Variants in CELF2 observed in about 807,000 individuals in gnomAD.
CELF2 encodes the protein CUGBP Elav-like family member 2.
CELF2 carries 8 observed loss-of-function variants against 62.6 expected under a neutral mutation model. The observed-to-expected ratio is 0.13, with a 90% CI of 0.07 to 0.23. The LOEUF is 0.23. Ranked by LOEUF, CELF2 falls within the 10% of genes least tolerant of loss-of-function variation. CELF2 has a pLI of 1.00. For missense variants in CELF2, 333 were observed against 671.0 expected, an observed-to-expected ratio of 0.50 and a Z score of 5.56; for synonymous variants, 258 against 250.0, an observed-to-expected ratio of 1.03 and a Z score of -0.30.
intron 1 of CELF2, among the ~76,000 whole-genome samples, chr10:10,898,364 A>T (rs1222276226): frequency 6.6e-6 from 1 of 152,204 alleles, no homozygotes; most frequent in Non-Finnish European, 1.5e-5. Context: ...TGGCCTCCAG[A>T]AATTTGAGAG....
the CELF2 span, among the ~76,000 whole-genome samples, chr10:10,667,128 T>A: frequency 6.6e-6 from 1 of 152,176 alleles, no homozygotes; most frequent in Non-Finnish European, 1.5e-5. Flanking sequence ...TATTTTAAGA[T>A]GTCAGGGCTG....
the CELF2 span, among the ~76,000 whole-genome samples, chr10:10,758,485 T>C: frequency 6.6e-6 from 1 of 152,190 alleles, no homozygotes; most frequent in Non-Finnish European, 1.5e-5. Context: ...GCATTCATCA[T>C]CATTTAGGCA....
At chr10:11,325,708 C>A (rs745849725) in intron 11 of CELF2, 128 bp from the exon 12 acceptor site, 1 of 783,014 alleles carries the variant, frequency 1.3e-6, no homozygotes, top group Non-Finnish European at 2.0e-6. Context: ...CAGCACTTGA[C>A]ATTTATCCAT....
At chr10:10,479,956 C>A in the CELF2 span, among the ~76,000 whole-genome samples, 1 of 152,148 alleles carries the variant, frequency 6.6e-6, no homozygotes, top group South Asian at 2.1e-4. Flanking sequence ...CCTGACCTGG[C>A]GATTTAGCCT....
intron 1 of CELF2, among the ~76,000 whole-genome samples, chr10:10,821,756 T>C (rs2056983451): frequency 6.6e-6 from 1 of 152,198 alleles, no homozygotes; most frequent in African/African-American, 2.4e-5. Flanking sequence ...TCCTCTTGCC[T>C]CAGCCTCCTG....
chr10:11,095,918 A>T (rs2049732332), intron 1 of CELF2, among the ~76,000 whole-genome samples: 1 of 152,262 alleles, frequency 6.6e-6, no homozygotes, highest in South Asian at 2.1e-4. Context: ...ATATTTAAAA[A>T]AAAAATATCC....
At chr10:11,065,362 A>G (rs967517560) in intron 1 of CELF2, among the ~76,000 whole-genome samples, 1 of 152,238 alleles carries the variant, frequency 6.6e-6, no homozygotes, top group Non-Finnish European at 1.5e-5. Flanking sequence ...ATCTGACGGT[A>G]AATTCTTGAA....
chr10:10,487,002 A>G, the CELF2 span, among the ~76,000 whole-genome samples: 1 of 152,168 alleles, frequency 6.6e-6, no homozygotes, highest in Non-Finnish European at 1.5e-5. Flanking sequence ...TTCCCTGTCC[A>G]TCGTATATGC....
chr10:11,096,055 C>G (rs1371493516), intron 1 of CELF2, among the ~76,000 whole-genome samples: 5 of 152,186 alleles, frequency 3.3e-5, no homozygotes, highest in Non-Finnish European at 7.3e-5. Context: ...TGTACTGATA[C>G]CCGATTTTGC....
At chr10:10,706,414 T>G in the CELF2 span, among the ~76,000 whole-genome samples, 3 of 152,204 alleles carry the variant, frequency 2.0e-5, no homozygotes, top group Non-Finnish European at 4.4e-5. Context: ...TTCATATGAC[T>G]ACTCCTGGCC....
rs767452186 is a variant in CELF2, at chr10:11,297,838, G to A, written c.976+9286G>A. ...TATACTAAAAATACAAAAATTAGCC[G>A]GGTATGGTGGTGCACACCTGTGGTT... On this transcript the variant is annotated intron_variant, in intron 9 of 12. Coordinates refer to ENST00000633077, the MANE Select transcript of CELF2 (RefSeq NM_001326342.2). The surrounding 1 kb of genome is among the most constrained non-coding windows in gnomAD (Gnocchi z 4.4). Among the ~76,000 whole-genome samples, 46 of 152,042 alleles carry A rather than the reference G, an allele frequency of 3.0e-4. No homozygotes were observed. Among genetic ancestry groups the A allele is most frequent in the Non-Finnish European group, 5.4e-4 (37 of 67,974 alleles).
At position 11,333,402 on chromosome 10, in the gene CELF2, T is replaced by C. The variant is rs191239763; in HGVS notation, c.*4349T>C. On this transcript the variant is annotated 3_prime_UTR_variant, in exon 13 of 13. Coordinates refer to ENST00000633077, the MANE Select transcript of CELF2 (RefSeq NM_001326342.2). ...AATTGTAGAGAATAGTCATTTTTAA[T>C]CTAAATTAGAGAATTGTGATACAAT... 15 of 152,788 alleles carry C rather than the reference T, an allele frequency of 9.8e-5. No individual in the cohort carries two copies. Among genetic ancestry groups the C allele is most frequent in the African/African-American group, 3.4e-4 (14 of 41,582 alleles). 9.5% of individuals were successfully genotyped at this position (152,788 alleles called of 1,614,324 possible).
At chr10:11,021,694 C>T (rs2058346667) in intron 1 of CELF2, among the ~76,000 whole-genome samples, 2 of 152,190 alleles carry the variant, frequency 1.3e-5, no homozygotes, top group African/African-American at 4.8e-5. Context: ...CCTGCTTGCC[C>T]CTGCCACATA....
the CELF2 span, among the ~76,000 whole-genome samples, chr10:10,706,560 C>T: frequency 0.016 from 2,508 of 152,172 alleles, 33 homozygotes; most frequent in African/African-American, 0.037. Flanking sequence ...AGAAAAGAGG[C>T]AAAAAGAAAT....
intron 1 of CELF2, among the ~76,000 whole-genome samples, chr10:11,087,385 C>G (rs1487335107): frequency 6.6e-6 from 1 of 152,144 alleles, no homozygotes; most frequent in Non-Finnish European, 1.5e-5. Flanking sequence ...ACTCCCAGGT[C>G]TTTTTCAAGG....
Position 10,983,538 on chromosome 10 carries a change from C to T in CELF2, c.89+63539C>T, listed in dbSNP as rs1364389107. Reference sequence around the variant, plus strand: ...GGCCTTATGCTATGATGGGTGCTACCGAAGATACATCCGTAGTTTTTGTTT... The same window carrying T: ...GGCCTTATGCTATGATGGGTGCTACTGAAGATACATCCGTAGTTTTTGTTT... On this transcript the variant is annotated intron_variant, in intron 2 of 13. Coordinates refer to the CELF2 transcript ENST00000636488. This position sits in a 1 kb window ranked among gnomAD's most constrained non-coding sequence, Gnocchi z 5.2. Among the ~76,000 whole-genome samples the T allele has an allele frequency of 6.6e-6, 1 of 152,044 alleles. No individual in the cohort carries two copies. The highest frequency in any genetic ancestry group is 2.1e-4 in the South Asian group (1 of 4,818).
At chr10:10,878,676 T>C (rs1221440775) in intron 1 of CELF2, among the ~76,000 whole-genome samples, 3 of 152,198 alleles carry the variant, frequency 2.0e-5, no homozygotes, top group South Asian at 2.1e-4. Flanking sequence ...AGTGGAGGGT[T>C]TCTGAGTGAC....
chr10:10,491,389 A>T, the CELF2 span, among the ~76,000 whole-genome samples: 1 of 152,178 alleles, frequency 6.6e-6, no homozygotes, highest in Non-Finnish European at 1.5e-5. Context: ...TGCACTAGAA[A>T]TAGTTTTGAA....
chr10:10,737,590 G>A, the CELF2 span, among the ~76,000 whole-genome samples: 460 of 152,124 alleles, frequency 3.0e-3, 1 homozygote, highest in African/African-American at 0.01. Context: ...CCAGCAAGGG[G>A]GGAAGCTTTT....
Sources: allele counts gnomAD v4.1 joint callset (sites outside exome capture counted in the v4.1 genomes callset), GRCh38; gene constraint gnomAD v4.1.1; non-coding constraint Gnocchi (gnomAD v3.1); transcripts MANE v1.5; gene names NCBI Gene and HGNC (gene_info 2026-07-23, HGNC 2026-07-21).